The following TENM2 variants were observed in gnomAD, a reference collection of about 807,000 sequenced individuals.
The protein encoded by TENM2 is teneurin-2.
Under a neutral mutation model 245.2 loss-of-function variants are expected in TENM2, and 52 were observed. The observed-to-expected ratio is 0.21, with a 90% CI of 0.17 to 0.27. The LOEUF (loss-of-function observed/expected upper bound fraction) is 0.27, where lower values mean the gene tolerates loss of function less well. TENM2 is among the 10% of genes least tolerant of loss of function. The probability of loss-of-function intolerance (pLI) is 1.00; values close to 1 mark genes in which losing one functional copy is unlikely to be tolerated. For missense variants in TENM2, 3,046 were observed against 3,666.8 expected (o/e 0.83, Z 4.37); for synonymous variants, 1,363 against 1,438.9 (o/e 0.95, Z 1.19).
At chr5:167,083,163 GC>G in the TENM2 span, among the ~76,000 whole-genome samples, 30 of 152,292 alleles carry the variant, frequency 2.0e-4, no homozygotes, top group South Asian at 5.8e-3. Context: ...GACTCAAGCA[GC>G]ACTGGTCCGT....
chr5:167,850,135 C>T (rs951346760), intron 2 of TENM2, among the ~76,000 whole-genome samples: 3 of 152,104 alleles, frequency 2.0e-5, no homozygotes, highest in Admixed American at 6.6e-5. Context: ...AGCCACCAGT[C>T]GTCTCATGAG....
In TENM2 at chr5:168,128,674, G is replaced by A. The variant is rs890696460; in HGVS notation, c.2422+1708G>A. Among the ~76,000 whole-genome samples, 24 of 152,348 alleles carry A rather than the reference G, an allele frequency of 1.6e-4. 1 individual carries two copies. The highest frequency in any genetic ancestry group is 2.6e-4 in the Non-Finnish European group (18 of 68,030). Reference sequence around the variant, plus strand: ...GTCCAGATGGATTCGAGCAGGAGTCGCCAAACTACGGCCAGAGGGCCAAAT... The same window carrying A: ...GTCCAGATGGATTCGAGCAGGAGTCACCAAACTACGGCCAGAGGGCCAAAT... On this transcript the variant is annotated intron_variant, in intron 12 of 28. Transcript: ENST00000518659.
chr5:167,162,020 G>A, the TENM2 span, among the ~76,000 whole-genome samples: 9 of 151,990 alleles, frequency 5.9e-5, no homozygotes, highest in East Asian at 1.8e-3. Context: ...ACAAAAATTA[G>A]CCGGGTGTGG....
intron 2 of TENM2, among the ~76,000 whole-genome samples, chr5:167,633,278 T>C (rs533667761): frequency 6.6e-6 from 1 of 152,268 alleles, no homozygotes; most frequent in Non-Finnish European, 1.5e-5. Context: ...GCCCCTCTGT[T>C]CAAGGAGTTT....
chr5:167,161,319 C>T, the TENM2 span, among the ~76,000 whole-genome samples: 1 of 152,130 alleles, frequency 6.6e-6, no homozygotes, highest in Admixed American at 6.5e-5. Context: ...CCTGCTTCTC[C>T]CTAGGAAGTG....
At chr5:167,803,168 G>C (rs1162967493) in intron 2 of TENM2, among the ~76,000 whole-genome samples, 1 of 152,064 alleles carries the variant, frequency 6.6e-6, no homozygotes, top group Non-Finnish European at 1.5e-5. Context: ...CACCAAATCT[G>C]CCTGCCTGGG....
intron 3 of TENM2, among the ~76,000 whole-genome samples, chr5:167,931,153 G>A (rs1778252728): frequency 6.6e-6 from 1 of 152,150 alleles, no homozygotes; most frequent in Admixed American, 6.5e-5. Flanking sequence ...ACAGCAAGAG[G>A]AACTTTTAAA....
chr5:167,242,039 G>GTTTT, the TENM2 span, among the ~76,000 whole-genome samples: 3 of 140,190 alleles, frequency 2.1e-5, 1 homozygote, highest in Non-Finnish European at 1.6e-5. Context: ...TTCTTTTTTT[G>GTTTT]TTTTTTGTTT....
chr5:167,123,894 C>A, the TENM2 span, among the ~76,000 whole-genome samples: 1 of 152,202 alleles, frequency 6.6e-6, no homozygotes, highest in Admixed American at 6.5e-5. Flanking sequence ...ATTGGCAATA[C>A]ATTTTCAATT....
intron 12 of TENM2, among the ~76,000 whole-genome samples, chr5:168,144,336 C>G (rs1168080924): frequency 6.6e-6 from 1 of 152,006 alleles, no homozygotes; most frequent in Non-Finnish European, 1.5e-5. Context: ...CCCCCTACCC[C>G]CACCCCACAA....
intron 2 of TENM2, among the ~76,000 whole-genome samples, chr5:167,650,392 C>T (rs1356349168): frequency 1.3e-5 from 2 of 152,110 alleles, no homozygotes; most frequent in African/African-American, 4.8e-5. Context: ...TCTGGCTTTG[C>T]CCCTAATTCA....
chr5:167,149,675 C>G, the TENM2 span, among the ~76,000 whole-genome samples: 160 of 152,258 alleles, frequency 1.1e-3, 1 homozygote, highest in African/African-American at 3.6e-3. Flanking sequence ...CCATTTTCTC[C>G]TGTTCTAGCT....
the TENM2 span, among the ~76,000 whole-genome samples, chr5:167,029,950 C>G: frequency 1.3e-5 from 2 of 152,196 alleles, no homozygotes; most frequent in South Asian, 4.1e-4. Context: ...GGAGCCAATG[C>G]ATGGGATCTT....
Position 167,946,662 on chromosome 5 carries a change from G to A in TENM2, c.713-5926G>A, listed in dbSNP as rs571996843. On this transcript the variant is annotated intron_variant, in intron 3 of 28. Transcript: ENST00000518659. ...CCTGTGTGCCTGTGTTCTGGTTTTG[G>A]GTTCCTTTGCATACAGCTGGGAGGG... Among the ~76,000 whole-genome samples the A allele has an allele frequency of 3.9e-5, 6 of 152,210 alleles. No individual in the cohort carries two copies. The East Asian group carries it at 5.8e-4, about 15-fold the overall frequency.
At chr5:167,638,893 A>T (rs1157055984) in intron 2 of TENM2, among the ~76,000 whole-genome samples, 1 of 152,210 alleles carries the variant, frequency 6.6e-6, no homozygotes, top group Non-Finnish European at 1.5e-5. Flanking sequence ...GAATTGCTAG[A>T]AAAATACTCC....
chr5:167,749,158 G>T (rs535525836), intron 2 of TENM2, among the ~76,000 whole-genome samples: 1 of 151,596 alleles, frequency 6.6e-6, no homozygotes, highest in Admixed American at 6.6e-5. Context: ...GAGAAACCGA[G>T]GAAAAACAAA....
At chr5:167,126,014 G>A in the TENM2 span, among the ~76,000 whole-genome samples, 2 of 152,132 alleles carry the variant, frequency 1.3e-5, no homozygotes, top group Non-Finnish European at 2.9e-5. Flanking sequence ...CCTCATAAAG[G>A]TTTACTCATC....
intron 4 of TENM2, among the ~76,000 whole-genome samples, chr5:167,959,280 C>T (rs557335325): frequency 1.6e-4 from 25 of 151,636 alleles, no homozygotes; most frequent in African/African-American, 4.6e-4. Flanking sequence ...CTGCAAGCTC[C>T]GCCTCCCAGG....
chr5:167,328,215 T>TG (rs2127784669), intron 1 of TENM2, among the ~76,000 whole-genome samples: 1 of 149,072 alleles, frequency 6.7e-6, no homozygotes, highest in South Asian at 2.2e-4. Context: ...TTTTTTTTTT[T>TG]TTTTTTTTTT....
Sources: gnomAD v4.1 joint callset for allele counts (sites outside exome capture counted in the v4.1 genomes callset) on GRCh38, gnomAD v4.1.1 for gene constraint, MANE v1.5 for transcripts, NCBI Gene and HGNC (gene_info 2026-07-23, HGNC 2026-07-21) for gene names.